SNX6: variants seen among roughly 807,000 people sequenced by gnomAD.
The protein encoded by SNX6 is sorting nexin-6.
A neutral mutation model predicts 63.0 loss-of-function variants in SNX6; 34 were observed. That is an observed-to-expected ratio of 0.54 (90% CI 0.41 to 0.72). The LOEUF (loss-of-function observed/expected upper bound fraction) is 0.72. Among genes scored for constraint, SNX6 ranks in the 30% least tolerant of loss-of-function variants. The probability of loss-of-function intolerance (pLI) is 0.00; values close to 1 mark genes in which losing one functional copy is unlikely to be tolerated. For synonymous variants in SNX6, 170 were observed against 164.2 expected, an observed-to-expected ratio of 1.04 and a Z score of -0.27; for missense variants, 398 against 471.4, an observed-to-expected ratio of 0.84 and a Z score of 1.44.
At chr14:34,619,057 G>C (rs1594749497) in intron 2 of SNX6, among the ~76,000 whole-genome samples, 1 of 152,172 alleles carries the variant, frequency 6.6e-6, no homozygotes, top group Admixed American at 6.6e-5. Flanking sequence ...AAGAAAGGTG[G>C]TAACCACAAC....
intron 6 of SNX6, among the ~76,000 whole-genome samples, chr14:34,600,700 T>TA (rs1882777113): frequency 6.6e-6 from 1 of 152,142 alleles, no homozygotes; most frequent in African/African-American, 2.4e-5. Flanking sequence ...AGTCATTCAG[T>TA]AAAAAATTTT....
At chr14:34,591,795 A>C (rs1882403671) in intron 8 of SNX6, among the ~76,000 whole-genome samples, 1 of 151,984 alleles carries the variant, frequency 6.6e-6, no homozygotes, top group Non-Finnish European at 1.5e-5. Flanking sequence ...AGGTTCCTCT[A>C]ATTTAAATAA....
chr14:34,613,818 A>T (rs887543973), intron 2 of SNX6, among the ~76,000 whole-genome samples: 2 of 151,296 alleles, frequency 1.3e-5, no homozygotes, highest in South Asian at 2.1e-4. Context: ...AACAAAAAAC[A>T]GAATCTGGGG....
intron 2 of SNX6, among the ~76,000 whole-genome samples, chr14:34,626,470 A>G (rs1883827989): frequency 6.6e-6 from 1 of 151,392 alleles, no homozygotes; most frequent in African/African-American, 2.4e-5. Context: ...CTGGCTAACA[A>G]GGTGAAACCC....
At chr14:34,569,068 A>C in intron 11 of SNX6, 1 of 1,200,632 alleles carries the variant, frequency 8.3e-7, no homozygotes, top group Non-Finnish European at 1.2e-6. Context: ...CTTTCTGAGG[A>C]AGGCTGCCAG....
In SNX6 at chr14:34,573,677, C is replaced by T. The variant is rs147527816; in HGVS notation, c.921+2079G>A. On this transcript the variant is annotated intron_variant, in intron 11 of 13. Transcript: ENST00000362031. ...TTTTCGAGACGGAGTCTCGCTTTGT[C>T]GCCCAGGCTGGAATGCAATGGCGCG... Among the ~76,000 whole-genome samples, 641 of 151,070 alleles carry T rather than the reference C, an allele frequency of 4.2e-3. 3 individuals are homozygous for T. The highest frequency in any genetic ancestry group is 0.015 in the African/African-American group (603 of 41,174).
At chr14:34,588,115 C>T (rs1882249069) in intron 8 of SNX6, among the ~76,000 whole-genome samples, 2 of 151,792 alleles carry the variant, frequency 1.3e-5, no homozygotes, top group Admixed American at 6.6e-5. Context: ...TCACATCATT[C>T]TCCTGCCTCA....
intron 6 of SNX6, among the ~76,000 whole-genome samples, chr14:34,600,273 C>T (rs551894279): frequency 1.3e-5 from 2 of 151,986 alleles, no homozygotes; most frequent in South Asian, 2.1e-4. Flanking sequence ...TACAGGCAAG[C>T]GCCACCACGT....
chr14:34,574,483 C>G (rs1881600029), intron 11 of SNX6, among the ~76,000 whole-genome samples: 1 of 151,750 alleles, frequency 6.6e-6, no homozygotes. Flanking sequence ...AATCCCGCCT[C>G]TACTAAAAAT....
At chr14:34,587,798 ATTTTTTTTT>A (rs1168575667) in intron 8 of SNX6, among the ~76,000 whole-genome samples, 2 of 107,062 alleles carry the variant, frequency 1.9e-5, no homozygotes, top group African/African-American at 7.1e-5. Context: ...CGGTTGGCTA[ATTTTTTTTT>A]TTTTTTTTTT....
intron 11 of SNX6, among the ~76,000 whole-genome samples, chr14:34,574,335 CAAA>C (rs752543547): frequency 9.8e-6 from 1 of 101,898 alleles, no homozygotes; most frequent in Non-Finnish European, 2.1e-5. Context: ...GAGTCCACCT[CAAA>C]AAAAAAAAAA....
chr14:34,621,170 C>G (rs1365282389), intron 2 of SNX6, among the ~76,000 whole-genome samples: 1 of 152,066 alleles, frequency 6.6e-6, no homozygotes, highest in African/African-American at 2.4e-5. Flanking sequence ...TGGTCTCAAA[C>G]TCCTGGGCTC....
chr14:34,601,243 T>TC (rs1446711672), intron 6 of SNX6, among the ~76,000 whole-genome samples: 2 of 142,656 alleles, frequency 1.4e-5, no homozygotes, highest in African/African-American at 5.3e-5. Flanking sequence ...TTTTTTTTTT[T>TC]GAGACGGAGT....
intron 10 of SNX6, among the ~76,000 whole-genome samples, chr14:34,577,277 C>T (rs567908642): frequency 3.3e-5 from 5 of 151,466 alleles, no homozygotes; most frequent in African/African-American, 9.7e-5. Context: ...TTAGTAGAGA[C>T]GGGGTTTTGT....
At chr14:34,589,947 C>G (rs1446224440) in intron 8 of SNX6, among the ~76,000 whole-genome samples, 1 of 152,056 alleles carries the variant, frequency 6.6e-6, no homozygotes, top group Non-Finnish European at 1.5e-5. Context: ...CCTGTCTCTA[C>G]CCCCTCAGCA....
At chr14:34,592,443 T>C (rs1054296481) in intron 8 of SNX6, among the ~76,000 whole-genome samples, 9 of 152,138 alleles carry the variant, frequency 5.9e-5, no homozygotes, top group Non-Finnish European at 1.3e-4. Flanking sequence ...ACTCGTCCAG[T>C]TTGTTGCCAC....
intron 11 of SNX6, among the ~76,000 whole-genome samples, chr14:34,573,091 C>T (rs1881523463): frequency 1.3e-5 from 2 of 152,128 alleles, no homozygotes; most frequent in South Asian, 4.1e-4. Flanking sequence ...AAGCAATCCT[C>T]CTGTGTCAGC....
At chr14:34,614,748 CT>C (rs1883356758) in intron 2 of SNX6, among the ~76,000 whole-genome samples, 1 of 152,128 alleles carries the variant, frequency 6.6e-6, no homozygotes, top group South Asian at 2.1e-4. Context: ...CAAGACCTGT[CT>C]CTACAAAATA....
In SNX6 at chr14:34,568,134, A is replaced by G. The variant is rs1460435147; in HGVS notation, c.922-121T>C. Reference sequence around the variant, plus strand: ...TAACACATAGTGAATACTACATGCCAGTTACTCCAATTTTTTTTTTTTTTT... The same window carrying G: ...TAACACATAGTGAATACTACATGCCGGTTACTCCAATTTTTTTTTTTTTTT... On this transcript the variant is annotated intron_variant, in intron 11 of 13. Transcript: ENST00000362031. 4.3e-6 allele frequency: 3 copies of G among 699,116 alleles called. No homozygotes were observed. In the East Asian group the frequency reaches 8.9e-5, roughly 21 times the overall value. 43.3% of individuals were successfully genotyped at this position (699,116 alleles called of 1,614,324 possible).
Sources: gnomAD v4.1 joint callset for allele counts (sites outside exome capture counted in the v4.1 genomes callset) on GRCh38, gnomAD v4.1.1 for gene constraint, MANE v1.5 for transcripts, NCBI Gene and HGNC (gene_info 2026-07-23, HGNC 2026-07-21) for gene names.